SH3GL1: variants seen among roughly 807,000 people sequenced by gnomAD.
The protein encoded by SH3GL1 is SH3 domain containing GRB2 like 1, endophilin A2, also known as endophilin-A2.
A neutral mutation model predicts 48.8 loss-of-function variants in SH3GL1; 21 were observed. The ratio of observed to expected loss-of-function variants is 0.43; its 90% CI spans 0.30 to 0.62. SH3GL1 has a LOEUF of 0.62. SH3GL1 is among the 20% of genes least tolerant of loss of function. SH3GL1 has a pLI of 0.11. For missense variants in SH3GL1, 454 were observed against 503.0 expected (o/e 0.90, Z 0.93); for synonymous variants, 282 against 217.5 (o/e 1.30, Z -2.61).
At position 4,366,505 on chromosome 19, in the gene SH3GL1, G is replaced by A. The variant is rs569917828; in HGVS notation, c.183C>T (p.Asn61=). The change falls in exon 3 of 10, where the codon AAC becomes AAT. Residue 61 remains asparagine (N), a synonymous_variant. Transcript: ENST00000269886. ...LARTIEYLQP[N]PASRAKLTML... ...GGCAGTGGCTGGAGCACCCACCTGG[G>A]TTGGGCTGCAGGTACTCGATGGTCC... 5 of 1,609,510 alleles carry A rather than the reference G, an allele frequency of 3.1e-6. No homozygotes were observed. The South Asian group carries it at 5.5e-5, about 18-fold the overall frequency.
chr19:4,384,029 T>C (rs1200754930), intron 1 of SH3GL1, among the ~76,000 whole-genome samples: 3 of 152,184 alleles, frequency 2.0e-5, no homozygotes, highest in Non-Finnish European at 4.4e-5. Flanking sequence ...TCTTATCAAG[T>C]AGGTGAATTT....
At chr19:4,392,034 C>T (rs1400666472) in intron 1 of SH3GL1, among the ~76,000 whole-genome samples, 1 of 152,214 alleles carries the variant, frequency 6.6e-6, no homozygotes, top group African/African-American at 2.4e-5. Flanking sequence ...TTGCCAACAC[C>T]TCCCCGAGGG....
At chr19:4,388,817 A>G (rs1168445579) in intron 1 of SH3GL1, among the ~76,000 whole-genome samples, 1 of 152,156 alleles carries the variant, frequency 6.6e-6, no homozygotes, top group African/African-American at 2.4e-5. Context: ...TGGGTCAGAG[A>G]CTGCCTGTGA....
chr19:4,361,925 C>T (rs1223452613), intron 9 of SH3GL1, 129 bp from the exon 10 acceptor site: 9 of 671,028 alleles, frequency 1.3e-5, no homozygotes, highest in Admixed American at 7.9e-5. Flanking sequence ...GCCTGGGCCA[C>T]CCCCTGCCCC....
chr19:4,378,780 G>C (rs1048750476), intron 1 of SH3GL1, among the ~76,000 whole-genome samples: 8 of 152,180 alleles, frequency 5.3e-5, no homozygotes, highest in Non-Finnish European at 8.8e-5. Context: ...TGTGCACTGA[G>C]CAACTGAGTC....
At chr19:4,379,157 G>T (rs1223533885) in intron 1 of SH3GL1, among the ~76,000 whole-genome samples, 1 of 152,152 alleles carries the variant, frequency 6.6e-6, no homozygotes, top group African/African-American at 2.4e-5. Flanking sequence ...AGGGCGGGAG[G>T]AAAGAAGCAA....
At chr19:4,397,604 C>G (rs1568423805) in intron 1 of SH3GL1, among the ~76,000 whole-genome samples, 1 of 152,276 alleles carries the variant, frequency 6.6e-6, no homozygotes, top group East Asian at 1.9e-4. Flanking sequence ...ATCTTTCCTG[C>G]TAGGGAGCAG....
rs116154348 is a variant in SH3GL1 at position 4,392,027 on chromosome 19, C to T, written c.45+8297G>A. Among the ~76,000 whole-genome samples the T allele has an allele frequency of 5.2e-3, 794 of 152,350 alleles. 11 individuals are homozygous for T. Among genetic ancestry groups the T allele is most frequent in the African/African-American group, 0.018 (760 of 41,568 alleles). ...GCAAAGTCCCTTCCTACATCTGTTGCCAACACCTCCCCGAGGGAGAGGGGG... is the reference window on the plus strand; with the variant it reads ...GCAAAGTCCCTTCCTACATCTGTTGTCAACACCTCCCCGAGGGAGAGGGGG... On this transcript the variant is annotated intron_variant, in intron 1 of 9. Coordinates refer to ENST00000269886, the MANE Select transcript of SH3GL1 (RefSeq NM_003025.4).
chr19:4,393,255 C>T (rs774467410), intron 1 of SH3GL1, among the ~76,000 whole-genome samples: 1 of 150,984 alleles, frequency 6.6e-6, no homozygotes, highest in African/African-American at 2.4e-5. Flanking sequence ...TGTGAGACTC[C>T]GTCTCAAAAA....
At chr19:4,394,109 C>G (rs1463062781) in intron 1 of SH3GL1, among the ~76,000 whole-genome samples, 2 of 142,458 alleles carry the variant, frequency 1.4e-5, no homozygotes, top group Non-Finnish European at 3.0e-5. Context: ...TGTTCAAACC[C>G]TCTCCCTCCT....
intron 1 of SH3GL1, among the ~76,000 whole-genome samples, chr19:4,390,776 C>T (rs1973323247): frequency 6.6e-6 from 1 of 152,002 alleles, no homozygotes; most frequent in South Asian, 2.1e-4. Context: ...CTTCCCCTTC[C>T]AACCCTCCCG....
intron 1 of SH3GL1, among the ~76,000 whole-genome samples, chr19:4,375,072 C>T (rs1475076957): frequency 2.0e-5 from 3 of 152,182 alleles, no homozygotes; most frequent in Non-Finnish European, 4.4e-5. Context: ...ACCTGCTCCC[C>T]TCGGGCACCT....
chr19:4,364,929 T>TTA, intron 4 of SH3GL1, among the ~76,000 whole-genome samples: 1 of 147,522 alleles, frequency 6.8e-6, no homozygotes, highest in South Asian at 2.1e-4. Context: ...TTTTTTTTTT[T>TTA]AGTAGAAGCG....
At chr19:4,393,515 AG>A (rs1474566983) in intron 1 of SH3GL1, among the ~76,000 whole-genome samples, 1 of 151,936 alleles carries the variant, frequency 6.6e-6, no homozygotes, top group African/African-American at 2.4e-5. Flanking sequence ...AAAATAGGCG[AG>A]GCACAGTGGC....
intron 1 of SH3GL1, among the ~76,000 whole-genome samples, chr19:4,381,624 CCT>C (rs1206097849): frequency 2.3e-5 from 3 of 131,190 alleles, no homozygotes; most frequent in Non-Finnish European, 4.9e-5. Flanking sequence ...CTCTGTCTCC[CCT>C]GTCCCTCTCC....
At chr19:4,383,411 T>C (rs913982613) in intron 1 of SH3GL1, among the ~76,000 whole-genome samples, 13 of 151,974 alleles carry the variant, frequency 8.6e-5, no homozygotes, top group Admixed American at 7.2e-4. Flanking sequence ...TTTTTGGTAT[T>C]TTTGTAGAGA....
At position 4,363,202 on chromosome 19, in the gene SH3GL1, A is replaced by C. The variant is rs377673095; in HGVS notation, c.728+168T>G. On this transcript the variant is annotated intron_variant, in intron 7 of 9. Coordinates refer to ENST00000269886, the MANE Select transcript of SH3GL1 (RefSeq NM_003025.4). ...GTTGACTCAGAGTTCTCAGAGCCCC[A>C]GCTCCTCTGACCTCGCGGCCCCCCA... Among the ~76,000 whole-genome samples, 34 of 152,218 alleles carry C rather than the reference A, an allele frequency of 2.2e-4. No homozygotes were observed. The South Asian group carries it at 5.4e-3, about 24-fold the overall frequency.
chr19:4,363,311 G>C (rs1972675251), intron 7 of SH3GL1, 59 bp downstream of exon 7: 1 of 1,288,426 alleles, frequency 7.8e-7, no homozygotes, highest in Admixed American at 2.0e-5. Context: ...CTGCCCACTT[G>C]CGCTGGCAGA....
intron 1 of SH3GL1, among the ~76,000 whole-genome samples, chr19:4,382,520 G>A (rs531012981): frequency 3.8e-4 from 58 of 151,940 alleles, no homozygotes; most frequent in Non-Finnish European, 6.5e-4. Flanking sequence ...GCCTCCCAAA[G>A]TGCTGGGATT....
Sources: gnomAD v4.1 joint callset for allele counts (sites outside exome capture counted in the v4.1 genomes callset) on GRCh38, gnomAD v4.1.1 for gene constraint, MANE v1.5 for transcripts, NCBI Gene and HGNC (gene_info 2026-07-23, HGNC 2026-07-21) for gene names.